Variants in UNC79 observed in about 807,000 individuals in gnomAD.
UNC79 encodes the protein protein unc-79 homolog.
A neutral mutation model predicts 283.1 loss-of-function variants in UNC79; 37 were observed. The ratio of observed to expected loss-of-function variants is 0.13; its 90% CI spans 0.10 to 0.17. UNC79 has a LOEUF of 0.17. UNC79 is among the 10% of genes least tolerant of loss of function. The probability of loss-of-function intolerance (pLI) is 1.00; values close to 1 mark genes in which losing one functional copy is unlikely to be tolerated. For synonymous variants in UNC79, 1,107 were observed against 1,200.2 expected, an observed-to-expected ratio of 0.92 and a Z score of 1.61; for missense variants, 2,272 against 3,211.1, an observed-to-expected ratio of 0.71 and a Z score of 7.07.
chr14:93,357,423 G>C (rs991942138), intron 1 of UNC79, among the ~76,000 whole-genome samples: 2 of 151,844 alleles, frequency 1.3e-5, no homozygotes, highest in African/African-American at 4.8e-5. Flanking sequence ...ACCCACCCTC[G>C]ATCTGGTTGG....
At chr14:93,703,142 C>T (rs139156841) in intron 47 of UNC79, among the ~76,000 whole-genome samples, 1 of 152,302 alleles carries the variant, frequency 6.6e-6, no homozygotes, top group Non-Finnish European at 1.5e-5. Context: ...CATCACGTGA[C>T]TGTCTCCCCT....
chr14:93,438,748 A>G (rs2056188613), intron 1 of UNC79, among the ~76,000 whole-genome samples: 1 of 151,800 alleles, frequency 6.6e-6, no homozygotes, highest in Non-Finnish European at 1.5e-5. Context: ...GAATAACTCC[A>G]GGAAAAAGCC....
chr14:93,707,005 T>G, downstream of UNC79: 1 of 1,357,494 alleles, frequency 7.4e-7, no homozygotes, highest in Non-Finnish European at 1.0e-6. Flanking sequence ...ATTGGTACTG[T>G]ACATTCTCTT....
chr14:93,688,568 T>C lies in UNC79; in HGVS notation c.6910-97T>C, dbSNP rs2074433356. On this transcript the variant is annotated intron_variant, in intron 43 of 48. Coordinates refer to ENST00000555664, the Ensembl canonical transcript of UNC79. This position sits in a 1 kb window ranked among gnomAD's most constrained non-coding sequence, Gnocchi z 4.0. The stretch of plus-strand genomic sequence containing the variant: ...GCAGGTTGTTTGCTCAGAGTGGCGA[T>C]AAGCGGGGTGGAAATGACAACCTCT... 7.2e-7 allele frequency: 1 copy of C among 1,391,298 alleles called. No homozygotes were observed. The highest frequency in any genetic ancestry group is 1.4e-5 in the African/African-American group (1 of 69,806). 86.2% of individuals were successfully genotyped at this position (1,391,298 alleles called of 1,614,324 possible).
At chr14:93,577,804 G>A (rs1359856244) in intron 17 of UNC79, 38 bp from the exon 18 acceptor site, 10 of 1,598,760 alleles carry the variant, frequency 6.3e-6, no homozygotes, top group Middle Eastern at 1.7e-4. Flanking sequence ...TTGAGCTTCT[G>A]TGAGTTCATT....
chr14:93,572,686 T>C lies in UNC79; in HGVS notation c.1947-7T>C. The C allele has an allele frequency of 6.2e-7, 1 of 1,614,004 alleles. No homozygotes were observed. The highest frequency in any genetic ancestry group is 1.1e-5 in the South Asian group (1 of 91,008). On this transcript the variant is annotated splice_polypyrimidine_tract_variant and splice_region_variant and intron_variant, in intron 15 of 48. Transcript: ENST00000555664. ...TGGTCATTTACTTTTGTTGCTCTGCTTTCCAGCAAAATGTTTGACATTGAA... is the reference window on the plus strand; with the variant it reads ...TGGTCATTTACTTTTGTTGCTCTGCCTTCCAGCAAAATGTTTGACATTGAA...
chr14:93,369,475 A>G (rs1226780638), intron 1 of UNC79, among the ~76,000 whole-genome samples: 2 of 152,258 alleles, frequency 1.3e-5, no homozygotes, highest in Non-Finnish European at 2.9e-5. Flanking sequence ...GAAGCAGAGC[A>G]CACTGCTGCT....
chr14:93,683,403 TG>T (rs2073995294), intron 42 of UNC79, among the ~76,000 whole-genome samples: 2 of 151,942 alleles, frequency 1.3e-5, no homozygotes, highest in Non-Finnish European at 2.9e-5. Flanking sequence ...TAAAAGTGTG[TG>T]GTTTTTTTCC....
chr14:93,350,287 G>A (rs915658094), intron 1 of UNC79, among the ~76,000 whole-genome samples: 1 of 151,942 alleles, frequency 6.6e-6, no homozygotes, highest in Admixed American at 6.6e-5. Context: ...GTTAAAAAAG[G>A]TAAAAAGAAA....
intron 30 of UNC79, among the ~76,000 whole-genome samples, chr14:93,629,263 C>T (rs1378081758): frequency 6.6e-6 from 1 of 152,190 alleles, no homozygotes; most frequent in African/African-American, 2.4e-5. Flanking sequence ...AATAATCTTT[C>T]AGAGAATCCT....
At chr14:93,475,525 G>A (rs561804690) in intron 3 of UNC79, among the ~76,000 whole-genome samples, 3 of 152,186 alleles carry the variant, frequency 2.0e-5, no homozygotes, top group African/African-American at 4.8e-5. Flanking sequence ...ATAGAAATTC[G>A]TAAAGTTGCT....
intron 14 of UNC79, among the ~76,000 whole-genome samples, chr14:93,563,140 G>A (rs977371858): frequency 2.6e-5 from 4 of 152,188 alleles, no homozygotes; most frequent in African/African-American, 4.8e-5. Flanking sequence ...AGAACCATTT[G>A]CCTTGTGTGG....
chr14:93,579,154 T>C (rs2063637820), intron 18 of UNC79, among the ~76,000 whole-genome samples: 1 of 152,206 alleles, frequency 6.6e-6, no homozygotes, highest in African/African-American at 2.4e-5. Context: ...TGTGATGTTA[T>C]GTCCTTTGTA....
At position 93,690,298 on chromosome 14, in the gene UNC79, T is replaced by G. The variant is rs749866890; in HGVS notation, c.7267T>G (p.Ser2423Ala). Reference sequence around the variant, plus strand: ...TATCCTGATTGGATTTCCAGAGCAATCAAAGGTAAGTGATTTCTGCAAGAT... The same window carrying G: ...TATCCTGATTGGATTTCCAGAGCAAGCAAAGGTAAGTGATTTCTGCAAGAT... Residue 2423 changes from serine to alanine, a missense_variant, in exon 45 of 49, where the codon TCA becomes GCA. Physicochemically the swap from Ser to Ala is moderately conservative, Grantham distance 99. Transcript: ENST00000555664. The surrounding 1 kb of genome is among the most constrained non-coding windows in gnomAD (Gnocchi z 4.3). 4 of 1,613,006 alleles carry G rather than the reference T, an allele frequency of 2.5e-6. No homozygotes were observed. In the African/African-American group the frequency reaches 5.3e-5, roughly 22 times the overall value.
At chr14:93,485,881 G>C (rs1022982503) in intron 4 of UNC79, among the ~76,000 whole-genome samples, 4 of 152,154 alleles carry the variant, frequency 2.6e-5, no homozygotes, top group Admixed American at 1.3e-4. Flanking sequence ...AAAGGCCACT[G>C]TCTACTTTGG....
exon 35 of UNC79, chr14:93,646,645 A>G: frequency 6.2e-7 from 1 of 1,613,820 alleles, no homozygotes; most frequent in East Asian, 2.2e-5. Context: ...TCAAGCAGAA[A>G]GGTAAGGTCC....
chr14:93,436,038 T>C (rs1388845581), intron 1 of UNC79, among the ~76,000 whole-genome samples: 4 of 151,874 alleles, frequency 2.6e-5, no homozygotes, highest in African/African-American at 4.8e-5. Context: ...GATTGTATTA[T>C]GTTCCTCTCT....
chr14:93,355,750 T>G (rs1011237983), intron 1 of UNC79, among the ~76,000 whole-genome samples: 1 of 152,264 alleles, frequency 6.6e-6, no homozygotes, highest in Admixed American at 6.5e-5. Context: ...GCTCTTGTTA[T>G]AGTCAACTAC....
intron 32 of UNC79, among the ~76,000 whole-genome samples, chr14:93,639,222 G>A (rs1265192041): frequency 1.3e-5 from 2 of 152,110 alleles, no homozygotes; most frequent in African/African-American, 4.8e-5. Context: ...TATGTTTCTA[G>A]TAAGTCTATG....
Sources: allele counts gnomAD v4.1 joint callset (sites outside exome capture counted in the v4.1 genomes callset), GRCh38; gene constraint gnomAD v4.1.1; non-coding constraint Gnocchi (gnomAD v3.1); transcripts MANE v1.5; gene names NCBI Gene and HGNC (gene_info 2026-07-23, HGNC 2026-07-21).